The following CD2AP variants were observed in gnomAD, a reference collection of about 807,000 sequenced individuals.
CD2AP encodes CD2-associated protein.
CD2AP carries 46 observed loss-of-function variants against 85.1 expected under a neutral mutation model. The observed-to-expected ratio is 0.54, with a 90% CI of 0.43 to 0.69. The LOEUF (loss-of-function observed/expected upper bound fraction) is 0.69. Ranked by LOEUF, CD2AP falls within the 30% of genes least tolerant of loss-of-function variation. CD2AP has a pLI of 0.00. For missense variants in CD2AP, 769 were observed against 729.5 expected (o/e 1.05, Z -0.62); for synonymous variants, 255 against 252.9 (o/e 1.01, Z -0.08).
intron 1 of CD2AP, among the ~76,000 whole-genome samples, chr6:47,499,364 A>C (rs941907801): frequency 1.3e-5 from 2 of 152,132 alleles, no homozygotes; most frequent in Non-Finnish European, 2.9e-5. Context: ...ACATGTATAC[A>C]TATATCTGTT....
intron 2 of CD2AP, among the ~76,000 whole-genome samples, chr6:47,529,000 A>G (rs1286863111): frequency 6.6e-6 from 1 of 152,080 alleles, no homozygotes; most frequent in Non-Finnish European, 1.5e-5. Context: ...GCAACATCTG[A>G]GCAGTTGCCC....
intron 2 of CD2AP, among the ~76,000 whole-genome samples, chr6:47,505,561 G>C (rs1216302013): frequency 6.8e-6 from 1 of 148,036 alleles, no homozygotes; most frequent in Non-Finnish European, 1.5e-5. Flanking sequence ...CCCAGACGGG[G>C]TGGTGGCTGG....
chr6:47,616,070 A>G (rs902392494), intron 17 of CD2AP, among the ~76,000 whole-genome samples: 2 of 133,946 alleles, frequency 1.5e-5, no homozygotes, highest in Non-Finnish European at 3.1e-5. Flanking sequence ...GGCATGAGCC[A>G]CTGCGCCTGG....
chr6:47,602,909 CAAAA>C (rs932277264), intron 13 of CD2AP, among the ~76,000 whole-genome samples: 1 of 148,532 alleles, frequency 6.7e-6, no homozygotes, highest in Admixed American at 6.7e-5. Context: ...CAAAAATAAA[CAAAA>C]AAAAAGCAAT....
chr6:47,552,243 A>G (rs1249511922), intron 4 of CD2AP, among the ~76,000 whole-genome samples: 1 of 152,168 alleles, frequency 6.6e-6, no homozygotes, highest in African/African-American at 2.4e-5. Flanking sequence ...TGGTGCACCC[A>G]TCACCTGAGC....
At chr6:47,549,363 T>A (rs1767452082) in intron 4 of CD2AP, among the ~76,000 whole-genome samples, 1 of 148,950 alleles carries the variant, frequency 6.7e-6, no homozygotes, top group Non-Finnish European at 1.5e-5. Flanking sequence ...AGTTTCCGGG[T>A]ACACAATTAA....
intron 1 of CD2AP, among the ~76,000 whole-genome samples, chr6:47,481,179 C>G (rs927343878): frequency 6.6e-6 from 1 of 152,060 alleles, no homozygotes; most frequent in Non-Finnish European, 1.5e-5. Context: ...CAGAGCATTT[C>G]TAGAGCACAA....
intron 13 of CD2AP, among the ~76,000 whole-genome samples, chr6:47,603,464 C>T (rs955246567): frequency 1.4e-4 from 22 of 151,906 alleles, no homozygotes; most frequent in African/African-American, 3.4e-4. Context: ...TCTTAAAGCA[C>T]CAAGCCATCC....
At chr6:47,598,847 A>G (rs1769025382) in intron 12 of CD2AP, among the ~76,000 whole-genome samples, 1 of 150,300 alleles carries the variant, frequency 6.7e-6, no homozygotes, top group South Asian at 2.1e-4. Context: ...AGAAATCACC[A>G]CTAAAGAGCT....
chr6:47,490,862 G>T (rs532896890), intron 1 of CD2AP, among the ~76,000 whole-genome samples: 1 of 152,204 alleles, frequency 6.6e-6, no homozygotes, highest in Admixed American at 6.5e-5. Flanking sequence ...TGGGTTTTGT[G>T]TGCAGTTTGT....
intron 2 of CD2AP, among the ~76,000 whole-genome samples, chr6:47,520,263 A>T (rs569763610): frequency 6.6e-6 from 1 of 152,356 alleles, no homozygotes; most frequent in East Asian, 1.9e-4. Flanking sequence ...TGGTAGAAGT[A>T]TCAGTGGTAA....
chr6:47,589,565 C>CACACACACATATATATATATAT (rs139814970), intron 11 of CD2AP, among the ~76,000 whole-genome samples: 3 of 120,940 alleles, frequency 2.5e-5, no homozygotes, highest in Non-Finnish European at 3.6e-5. Flanking sequence ...CACACACACA[C>CACACACACATATATATATATAT]ATATATATAT....
rs1472958227 is a variant in CD2AP, at chr6:47,533,695, A to G, written c.259A>G (p.Thr87Ala). 1.2e-6 allele frequency: 2 copies of G among 1,614,134 alleles called. No homozygotes were observed. Among genetic ancestry groups the G allele is most frequent in the Non-Finnish European group, 1.7e-6 (2 of 1,180,012 alleles). Reference protein sequence around the residue: ...NVASLVQRISTYGLPAGGIQP... With the variant: ...NVASLVQRISAYGLPAGGIQP... Reference sequence around the variant, plus strand: ...AGCAAGTCTTGTACAACGAATAAGCACCTATGGACTTCCAGCTGGAGGAAT... The same window carrying G: ...AGCAAGTCTTGTACAACGAATAAGCGCCTATGGACTTCCAGCTGGAGGAAT... The change falls in exon 3 of 18, where the codon ACC becomes GCC. Residue 87 changes from threonine to alanine, a missense_variant. Coordinates refer to ENST00000359314, the MANE Select transcript of CD2AP (RefSeq NM_012120.3).
At chr6:47,604,419 T>C (rs1348635882) in intron 13 of CD2AP, among the ~76,000 whole-genome samples, 1 of 152,066 alleles carries the variant, frequency 6.6e-6, no homozygotes, top group Admixed American at 6.6e-5. Context: ...GCATGGTGTA[T>C]AATTTTGTAA....
chr6:47,577,541 T>C (rs1562040557), intron 8 of CD2AP, among the ~76,000 whole-genome samples: 1 of 152,202 alleles, frequency 6.6e-6, no homozygotes, highest in South Asian at 2.1e-4. Flanking sequence ...TGAAACTCTT[T>C]TTACTCTGGA....
chr6:47,600,720 A>G (rs1017309379), intron 13 of CD2AP, among the ~76,000 whole-genome samples: 9 of 151,994 alleles, frequency 5.9e-5, no homozygotes, highest in Non-Finnish European at 1.0e-4. Context: ...TGTTTTAAAA[A>G]ATCATTCTTT....
chr6:47,525,294 A>G (rs2114012387), intron 2 of CD2AP, among the ~76,000 whole-genome samples: 1 of 152,184 alleles, frequency 6.6e-6, no homozygotes, highest in South Asian at 2.1e-4. Flanking sequence ...GAAGTAGGAG[A>G]TACTAATTTT....
chr6:47,533,391 C>A (rs560525894), intron 2 of CD2AP, among the ~76,000 whole-genome samples: 1 of 152,272 alleles, frequency 6.6e-6, no homozygotes, highest in African/African-American at 2.4e-5. Context: ...TTATCTTCAT[C>A]TCCAGTTCTG....
intron 2 of CD2AP, among the ~76,000 whole-genome samples, chr6:47,510,024 A>T (rs1050949159): frequency 6.6e-6 from 1 of 152,212 alleles, no homozygotes; most frequent in Non-Finnish European, 1.5e-5. Context: ...TTCCTGTTTC[A>T]GTATAACTAA....
Sources: gnomAD v4.1 joint callset for allele counts (sites outside exome capture counted in the v4.1 genomes callset) on GRCh38, gnomAD v4.1.1 for gene constraint, MANE v1.5 for transcripts, NCBI Gene and HGNC (gene_info 2026-07-23, HGNC 2026-07-21) for gene names.